Variants in FSTL5 observed in about 807,000 individuals in gnomAD.
FSTL5 encodes follistatin-related protein 5.
A neutral mutation model predicts 89.1 loss-of-function variants in FSTL5; 62 were observed. That is an observed-to-expected ratio of 0.70 (90% CI 0.57 to 0.86). The LOEUF is 0.86. Ranked by LOEUF, FSTL5 falls within the 40% of genes least tolerant of loss-of-function variation. FSTL5 has a pLI of 0.00. For synonymous variants in FSTL5, 383 were observed against 346.2 expected (o/e 1.11, Z -1.18); for missense variants, 1,057 against 1,001.6 (o/e 1.06, Z -0.75).
chr4:162,015,992 G>A (rs1187816521), intron 3 of FSTL5, among the ~76,000 whole-genome samples: 4 of 152,136 alleles, frequency 2.6e-5, no homozygotes, highest in Non-Finnish European at 5.9e-5. Context: ...CACTCTCTGA[G>A]AAAGGAGGGA....
intron 10 of FSTL5, among the ~76,000 whole-genome samples, chr4:161,524,957 C>CAA (rs1189535742): frequency 8.6e-5 from 10 of 116,630 alleles, no homozygotes; most frequent in Non-Finnish European, 1.3e-4. Flanking sequence ...GACTCCATCT[C>CAA]AAAAAAAAAA....
At chr4:161,524,105 T>A (rs551410258) in intron 10 of FSTL5, among the ~76,000 whole-genome samples, 5 of 152,284 alleles carry the variant, frequency 3.3e-5, no homozygotes, top group African/African-American at 1.2e-4. Context: ...ACATTTTACA[T>A]CCTATTCTTT....
chr4:161,422,057 A>G (rs540744887), intron 15 of FSTL5, among the ~76,000 whole-genome samples: 1 of 152,026 alleles, frequency 6.6e-6, no homozygotes, highest in African/African-American at 2.4e-5. Flanking sequence ...CGGCATATAT[A>G]TTTTCATGTA....
At chr4:161,488,795 T>A (rs184781912) in intron 12 of FSTL5, among the ~76,000 whole-genome samples, 148 of 152,252 alleles carry the variant, frequency 9.7e-4, no homozygotes, top group South Asian at 8.1e-3. Context: ...ATGCAAACTT[T>A]TTTTTAAATT....
chr4:161,401,507 C>T (rs934301352), intron 15 of FSTL5, among the ~76,000 whole-genome samples: 1 of 151,838 alleles, frequency 6.6e-6, no homozygotes, highest in South Asian at 2.1e-4. Context: ...AGTACATATA[C>T]CTAGTTGTTT....
chr4:161,801,818 A>G (rs984225963), intron 4 of FSTL5, among the ~76,000 whole-genome samples: 8 of 151,646 alleles, frequency 5.3e-5, no homozygotes, highest in African/African-American at 1.9e-4. Context: ...TTGTGATTGA[A>G]ATGTGTGAAA....
At chr4:161,749,741 A>G (rs970727560) in intron 6 of FSTL5, among the ~76,000 whole-genome samples, 4 of 151,980 alleles carry the variant, frequency 2.6e-5, no homozygotes, top group Non-Finnish European at 5.9e-5. Flanking sequence ...GCAGTGAGCC[A>G]AGATTGTGCC....
At chr4:161,718,489 C>T (rs180741781) in intron 6 of FSTL5, among the ~76,000 whole-genome samples, 42 of 151,880 alleles carry the variant, frequency 2.8e-4, no homozygotes, top group East Asian at 2.7e-3. Context: ...AGTGCAACGG[C>T]GAGATCTCAG....
At chr4:162,123,526 A>G (rs1381378886) in intron 1 of FSTL5, among the ~76,000 whole-genome samples, 1 of 152,164 alleles carries the variant, frequency 6.6e-6, no homozygotes, top group African/African-American at 2.4e-5. Flanking sequence ...ATGTTTTCTT[A>G]GAAAATATGG....
intron 7 of FSTL5, among the ~76,000 whole-genome samples, chr4:161,627,150 C>T (rs1170835290): frequency 6.6e-6 from 1 of 152,156 alleles, no homozygotes; most frequent in African/African-American, 2.4e-5. Flanking sequence ...GTATCATATG[C>T]TGCAGAGAAA....
chr4:161,401,554 C>A (rs181251771), intron 15 of FSTL5, among the ~76,000 whole-genome samples: 60 of 152,158 alleles, frequency 3.9e-4, no homozygotes, highest in African/African-American at 1.4e-3. Flanking sequence ...GAGAGGGAGT[C>A]TTGTCTGTCA....
intron 4 of FSTL5, among the ~76,000 whole-genome samples, chr4:161,911,966 AC>A (rs1220290343): frequency 6.6e-6 from 1 of 152,188 alleles, no homozygotes; most frequent in Admixed American, 6.5e-5. Context: ...ATTTTTATCA[AC>A]AATAAGTTTT....
At chr4:161,821,403 T>G (rs1033375110) in intron 4 of FSTL5, among the ~76,000 whole-genome samples, 2 of 152,136 alleles carry the variant, frequency 1.3e-5, no homozygotes, top group African/African-American at 4.8e-5. Flanking sequence ...AAGTTCTTAT[T>G]TGATTAAAAA....
chr4:161,986,238 A>C (rs1473136731), intron 3 of FSTL5, among the ~76,000 whole-genome samples: 2 of 152,130 alleles, frequency 1.3e-5, no homozygotes, highest in Non-Finnish European at 2.9e-5. Context: ...TATAGCAAAT[A>C]ATATATATTT....
chr4:162,120,887 A>G (rs1731830040), intron 1 of FSTL5, among the ~76,000 whole-genome samples: 1 of 152,028 alleles, frequency 6.6e-6, no homozygotes, highest in African/African-American at 2.4e-5. Flanking sequence ...ACTACTCACT[A>G]GAATTTCTAA....
intron 4 of FSTL5, among the ~76,000 whole-genome samples, chr4:161,837,332 A>G (rs1436965776): frequency 6.6e-6 from 1 of 152,170 alleles, no homozygotes; most frequent in Admixed American, 6.5e-5. Context: ...TGTTAGGGAA[A>G]TTTAGAAAAA....
At chr4:161,710,054 T>C (rs1004547245) in intron 6 of FSTL5, among the ~76,000 whole-genome samples, 1 of 151,960 alleles carries the variant, frequency 6.6e-6, no homozygotes, top group Non-Finnish European at 1.5e-5. Flanking sequence ...TTGCAGCCTT[T>C]ACTTCCTGGG....
Position 161,787,867 on chromosome 4 carries a change from T to G in FSTL5, c.410-11793A>C, listed in dbSNP as rs150505624. Among the ~76,000 whole-genome samples, 414 of 152,314 alleles carry G rather than the reference T, an allele frequency of 2.7e-3. 2 individuals are homozygous for G. Among genetic ancestry groups the G allele is most frequent in the Non-Finnish European group, 5.0e-3 (338 of 67,996 alleles). On this transcript the variant is annotated intron_variant, in intron 4 of 15. Coordinates refer to ENST00000306100, the MANE Select transcript of FSTL5 (RefSeq NM_020116.5). ...CAAAGATAGGGTTCAAGATAACTTG[T>G]ACTATGAATAGTTGCTTTTTCATTA...
intron 4 of FSTL5, among the ~76,000 whole-genome samples, chr4:161,805,893 A>G (rs1463158390): frequency 1.3e-5 from 2 of 152,106 alleles, no homozygotes; most frequent in Non-Finnish European, 2.9e-5. Flanking sequence ...AATATTACAT[A>G]CAGTAAGATA....
Sources: allele counts gnomAD v4.1 joint callset (sites outside exome capture counted in the v4.1 genomes callset), GRCh38; gene constraint gnomAD v4.1.1; transcripts MANE v1.5; gene names NCBI Gene and HGNC (gene_info 2026-07-23, HGNC 2026-07-21).